DCDC1: variants seen among roughly 807,000 people sequenced by gnomAD.
DCDC1 encodes doublecortin domain-containing protein 1.
DCDC1 carries 200 observed loss-of-function variants against 178.3 expected under a neutral mutation model. The ratio of observed to expected loss-of-function variants is 1.12; its 90% CI spans 1.00 to 1.26. DCDC1 has a LOEUF of 1.26. Ranked by LOEUF, DCDC1 falls within the 50% of genes most tolerant of loss-of-function variation. The pLI is 0.00. For synonymous variants in DCDC1, 690 were observed against 604.8 expected, an observed-to-expected ratio of 1.14 and a Z score of -2.07; for missense variants, 1,983 against 1,749.2, an observed-to-expected ratio of 1.13 and a Z score of -2.38.
At chr11:31,314,263 C>T (rs1451360700) in intron 3 of DCDC1, among the ~76,000 whole-genome samples, 3 of 152,158 alleles carry the variant, frequency 2.0e-5, no homozygotes, top group Non-Finnish European at 4.4e-5. Flanking sequence ...TTAAATTCCA[C>T]TAAAATGGAT....
intron 8 of DCDC1, among the ~76,000 whole-genome samples, chr11:31,253,388 GCT>G (rs1267608037): frequency 7.1e-6 from 1 of 140,836 alleles, no homozygotes; most frequent in Non-Finnish European, 1.5e-5. Context: ...ATGGAGTCTT[GCT>G]CTGTCACCCA....
chr11:31,326,596 CA>C (rs1321688932), intron 3 of DCDC1, among the ~76,000 whole-genome samples: 8 of 152,056 alleles, frequency 5.3e-5, no homozygotes, highest in Non-Finnish European at 1.2e-4. Flanking sequence ...ATATAACACA[CA>C]GGGTATTCAT....
intron 21 of DCDC1, among the ~76,000 whole-genome samples, chr11:30,942,483 C>A (rs549427609): frequency 1.3e-5 from 2 of 152,118 alleles, no homozygotes; most frequent in Non-Finnish European, 2.9e-5. Flanking sequence ...GCTAATATAT[C>A]TCTTTCTTTC....
intron 6 of DCDC1, among the ~76,000 whole-genome samples, chr11:31,303,501 A>G (rs1180387837): frequency 2.0e-5 from 3 of 152,166 alleles, no homozygotes; most frequent in Non-Finnish European, 2.9e-5. Context: ...TTATCGATTT[A>G]TCTGTAAAAC....
chr11:31,311,094 C>G (rs1002602196), intron 3 of DCDC1, among the ~76,000 whole-genome samples: 4 of 152,202 alleles, frequency 2.6e-5, no homozygotes, highest in Admixed American at 2.6e-4. Flanking sequence ...TGTGTCTCCT[C>G]ATTTCTATGC....
chr11:31,277,953 GTCC>G (rs1358219834), intron 7 of DCDC1, among the ~76,000 whole-genome samples: 1 of 151,874 alleles, frequency 6.6e-6, no homozygotes, highest in Non-Finnish European at 1.5e-5. Flanking sequence ...TATTTTTTGT[GTCC>G]TAAGAAATAT....
intron 9 of DCDC1, among the ~76,000 whole-genome samples, chr11:31,175,332 T>C (rs1398409452): frequency 3.9e-5 from 6 of 152,172 alleles, no homozygotes; most frequent in African/African-American, 7.2e-5. Flanking sequence ...ATAACCCTGA[T>C]GGCTCAAAGC....
At chr11:31,309,135 T>C (rs1416170676) in intron 3 of DCDC1, among the ~76,000 whole-genome samples, 1 of 144,068 alleles carries the variant, frequency 6.9e-6, no homozygotes, top group Non-Finnish European at 1.5e-5. Context: ...AGAGGGAAAA[T>C]AGATGTTTGT....
At chr11:31,094,565 G>A (rs1958027870) in intron 15 of DCDC1, among the ~76,000 whole-genome samples, 1 of 152,106 alleles carries the variant, frequency 6.6e-6, no homozygotes, top group African/African-American at 2.4e-5. Flanking sequence ...TAACCTAAAG[G>A]TGGAGCATCT....
At position 31,162,133 on chromosome 11, in the gene DCDC1, TAA is replaced by T. The variant is rs143733723; in HGVS notation, c.1222-24351_1222-24350del. Among the ~76,000 whole-genome samples, 216 of 152,282 alleles carry T rather than the reference TAA, an allele frequency of 1.4e-3. 3 individuals are homozygous for T. In the East Asian group the frequency reaches 0.038, roughly 27 times the overall value. On this transcript the variant is annotated intron_variant, in intron 9 of 38. Coordinates refer to ENST00000684477, the MANE Select transcript of DCDC1 (RefSeq NM_001387274.1). ...TTGTGATTAATTGATTTTTAGTAAG[TAA>T]AGAAACTATGCATAATTTTACACAG...
intron 10 of DCDC1, among the ~76,000 whole-genome samples, chr11:31,134,124 C>A (rs1962814730): frequency 6.6e-6 from 1 of 152,242 alleles, no homozygotes; most frequent in African/African-American, 2.4e-5. Context: ...GCCTATTCAA[C>A]TATCTAACAT....
At chr11:31,172,075 T>A (rs187415730) in intron 9 of DCDC1, among the ~76,000 whole-genome samples, 1 of 152,248 alleles carries the variant, frequency 6.6e-6, no homozygotes. Context: ...ATGGTCAGAG[T>A]GACAGATTTC....
chr11:31,335,757 G>A (rs1268237602), intron 1 of DCDC1, among the ~76,000 whole-genome samples, 193 bp from the exon 2 acceptor site: 1 of 152,110 alleles, frequency 6.6e-6, no homozygotes. Context: ...GGAGGCTGGG[G>A]ACCCCTGATC....
chr11:31,127,006 A>T (rs1289228928), intron 11 of DCDC1, among the ~76,000 whole-genome samples: 2 of 152,202 alleles, frequency 1.3e-5, no homozygotes, highest in African/African-American at 2.4e-5. Flanking sequence ...CATGTGTCAC[A>T]CTTATCCAAT....
intron 20 of DCDC1, among the ~76,000 whole-genome samples, chr11:31,049,443 TG>T (rs1349292540): frequency 1.3e-5 from 2 of 152,174 alleles, no homozygotes; most frequent in Non-Finnish European, 2.9e-5. Context: ...ATTCAGAGAC[TG>T]AACAAATACA....
intron 9 of DCDC1, among the ~76,000 whole-genome samples, chr11:31,164,203 A>C (rs772430444): frequency 6.6e-6 from 1 of 152,184 alleles, no homozygotes; most frequent in Non-Finnish European, 1.5e-5. Context: ...ATTTTGATCA[A>C]CAGAACACAT....
chr11:31,145,471 T>C (rs1415857216), intron 9 of DCDC1, among the ~76,000 whole-genome samples: 1 of 152,224 alleles, frequency 6.6e-6, no homozygotes, highest in African/African-American at 2.4e-5. Flanking sequence ...TTAAGCGACA[T>C]TCACACTCTG....
rs1479987362 is a variant in DCDC1 at position 31,194,163 on chromosome 11, GT to G, written c.1221+47286del. On this transcript the variant is annotated intron_variant, in intron 9 of 38. Coordinates refer to ENST00000684477, the MANE Select transcript of DCDC1 (RefSeq NM_001387274.1). ...AGTTTGATGATATCATGATAGTTAA[GT>G]TTTTTCAGCATATCACAAGCCCTTG... 8.5e-5 allele frequency among the ~76,000 whole-genome samples: 13 copies of G among 152,194 alleles called. No individual in the cohort carries two copies. In the South Asian group the frequency reaches 1.9e-3, roughly 22 times the overall value.
In DCDC1 at chr11:31,142,927, A is replaced by C. The variant is rs1162795471; in HGVS notation, c.1222-5143T>G. ...GCTGTGGGCAAGGAGGGTATTGGGA[A>C]CCTGAGCTGAACCAAATTGATCGCA... On this transcript the variant is annotated intron_variant, in intron 9 of 38. Transcript: ENST00000684477. Among the ~76,000 whole-genome samples, 6 of 152,276 alleles carry C rather than the reference A, an allele frequency of 3.9e-5. No homozygotes were observed. In the East Asian group the frequency reaches 1.2e-3, roughly 29 times the overall value.
Sources: gnomAD v4.1 joint callset for allele counts (sites outside exome capture counted in the v4.1 genomes callset) on GRCh38, gnomAD v4.1.1 for gene constraint, MANE v1.5 for transcripts, NCBI Gene and HGNC (gene_info 2026-07-23, HGNC 2026-07-21) for gene names.